Variants in IL1RAPL1 observed in about 807,000 individuals in gnomAD.
IL1RAPL1 encodes the protein interleukin 1 receptor accessory protein like 1.
IL1RAPL1 carries 3 observed loss-of-function variants against 48.4 expected under a neutral mutation model. The observed-to-expected ratio is 0.06, with a 90% CI of 0.03 to 0.16. The LOEUF is 0.16. Ranked by LOEUF, IL1RAPL1 falls within the 10% of genes least tolerant of loss-of-function variation. The pLI, the probability that IL1RAPL1 is intolerant of heterozygous loss-of-function variation, is 1.00. For synonymous variants in IL1RAPL1, 185 were observed against 187.7 expected (o/e 0.99, Z 0.12); for missense variants, 349 against 530.6 (o/e 0.66, Z 3.36).
chrX:29,362,092 TATC>T (rs1206834766), intron 3 of IL1RAPL1, among the ~76,000 whole-genome samples: 1 of 112,370 alleles, frequency 8.9e-6, no homozygotes, highest in South Asian at 3.6e-4. Context: ...CTAAAAAAAT[TATC>T]ATCAAATGCC....
intron 6 of IL1RAPL1, among the ~76,000 whole-genome samples, chrX:29,881,693 A>T (rs1433160294): frequency 9.0e-6 from 1 of 111,619 alleles, no homozygotes; most frequent in Middle Eastern, 4.2e-3. Flanking sequence ...AGTTACAAAC[A>T]AACAACTCGA....
At chrX:29,725,060 T>C (rs1405666800) in intron 6 of IL1RAPL1, among the ~76,000 whole-genome samples, 1 of 110,956 alleles carries the variant, frequency 9.0e-6, no homozygotes, top group Non-Finnish European at 1.9e-5. Flanking sequence ...AATTACATAA[T>C]TATATATATG....
intron 6 of IL1RAPL1, among the ~76,000 whole-genome samples, chrX:29,809,145 T>C (rs1930322229): frequency 9.3e-6 from 1 of 107,203 alleles, no homozygotes; most frequent in African/African-American, 3.4e-5. Context: ...TCACCCAGGC[T>C]GGAGTGCAAT....
At chrX:29,845,026 A>G (rs1162426597) in intron 6 of IL1RAPL1, among the ~76,000 whole-genome samples, 1 of 112,077 alleles carries the variant, frequency 8.9e-6, no homozygotes, top group Non-Finnish European at 1.9e-5. Flanking sequence ...GAGACATGGA[A>G]AGGGTTCTTT....
chrX:29,869,753 TAAAC>T (rs1931765509), intron 6 of IL1RAPL1, among the ~76,000 whole-genome samples: 1 of 110,451 alleles, frequency 9.1e-6, no homozygotes, highest in Non-Finnish European at 1.9e-5. Context: ...CTTGAAAAAA[TAAAC>T]AAGTGGCCCT....
At chrX:29,278,413 A>T (rs1419497462) in intron 2 of IL1RAPL1, among the ~76,000 whole-genome samples, 2 of 110,877 alleles carry the variant, frequency 1.8e-5, no homozygotes, top group East Asian at 5.7e-4. Context: ...TCTTACTCCC[A>T]CTCCCCAATG....
At chrX:28,910,115 G>A (rs1923320318) in intron 2 of IL1RAPL1, among the ~76,000 whole-genome samples, 1 of 111,504 alleles carries the variant, frequency 9.0e-6, no homozygotes, top group Non-Finnish European at 1.9e-5. Context: ...GTCTGAGAAT[G>A]TGAGGCTCAG....
intron 6 of IL1RAPL1, among the ~76,000 whole-genome samples, chrX:29,707,343 T>C (rs1326733983): frequency 1.8e-5 from 2 of 112,235 alleles, no homozygotes; most frequent in African/African-American, 3.2e-5. Context: ...TTGGTGGGAA[T>C]GTAAACTAGT....
At chrX:28,860,583 G>A (rs1459297314) in intron 2 of IL1RAPL1, among the ~76,000 whole-genome samples, 1 of 107,767 alleles carries the variant, frequency 9.3e-6, no homozygotes, top group African/African-American at 3.4e-5. Context: ...TCAGACTCCC[G>A]AGTAGCTGGG....
intron 6 of IL1RAPL1, among the ~76,000 whole-genome samples, chrX:29,789,677 A>G (rs1929584614): frequency 2.7e-5 from 3 of 110,666 alleles, no homozygotes; most frequent in Admixed American, 1.9e-4. Flanking sequence ...TAGAGTTTGC[A>G]TCTGATATCA....
At chrX:29,400,955 C>G (rs1403785494) in intron 5 of IL1RAPL1, among the ~76,000 whole-genome samples, 2 of 111,466 alleles carry the variant, frequency 1.8e-5, no homozygotes, top group Non-Finnish European at 3.8e-5. Flanking sequence ...TTTCCCCTTT[C>G]TAGAAATGCT....
In IL1RAPL1 at chrX:29,242,459, G is replaced by C. The variant is rs775286311; in HGVS notation, c.83-40479G>C. ...CAAGAAAAATCAAACTACCAGGTTGGACCTCAATTATGATTACAGTCATAT... is the reference window on the plus strand; with the variant it reads ...CAAGAAAAATCAAACTACCAGGTTGCACCTCAATTATGATTACAGTCATAT... On this transcript the variant is annotated intron_variant, in intron 2 of 10. Coordinates refer to ENST00000378993, the MANE Select transcript of IL1RAPL1 (RefSeq NM_014271.4). 1.4e-3 allele frequency among the ~76,000 whole-genome samples: 153 copies of C among 111,929 alleles called. No individual in the cohort carries two copies. The Middle Eastern group carries it at 0.014, about 10-fold the overall frequency.
intron 2 of IL1RAPL1, among the ~76,000 whole-genome samples, chrX:28,946,041 C>T (rs1410554099): frequency 9.2e-6 from 1 of 109,223 alleles, no homozygotes; most frequent in African/African-American, 3.3e-5. Context: ...ATGAATAACA[C>T]ATACAGTGTG....
intron 1 of IL1RAPL1, among the ~76,000 whole-genome samples, chrX:28,728,836 CT>C (rs1228727456): frequency 1.8e-5 from 2 of 111,368 alleles, no homozygotes; most frequent in South Asian, 3.7e-4. Context: ...CATTTAAACC[CT>C]CTGGAGTCAT....
At chrX:28,792,852 A>T (rs5943552) in intron 2 of IL1RAPL1, among the ~76,000 whole-genome samples, 1,380 of 18,953 alleles carry the variant, frequency 0.073, 65 homozygotes, top group Middle Eastern at 0.14. Context: ...TATATATATA[A>T]AAAATAAGGC....
intron 5 of IL1RAPL1, among the ~76,000 whole-genome samples, chrX:29,571,002 A>G (rs2147798210): frequency 8.9e-6 from 1 of 112,073 alleles, no homozygotes; most frequent in East Asian, 2.8e-4. Flanking sequence ...CGGGTGGATC[A>G]CGAGGTCAGC....
At chrX:29,799,677 C>T (rs962683790) in intron 6 of IL1RAPL1, among the ~76,000 whole-genome samples, 4 of 112,159 alleles carry the variant, frequency 3.6e-5, no homozygotes, top group Non-Finnish European at 7.5e-5. Flanking sequence ...TCAATAGGTG[C>T]ACGTGGCTAG....
chrX:29,099,066 C>T (rs898582192), intron 2 of IL1RAPL1, among the ~76,000 whole-genome samples: 4 of 111,394 alleles, frequency 3.6e-5, no homozygotes, highest in South Asian at 3.8e-4. Context: ...ACAGGAGAAT[C>T]GTTTGAACCC....
chrX:28,792,816 A>AAAAAAAAAT (rs1936562170), intron 2 of IL1RAPL1, among the ~76,000 whole-genome samples: 2 of 10,107 alleles, frequency 2.0e-4, no homozygotes, highest in Non-Finnish European at 3.5e-4. Flanking sequence ...AAAAAAAAAA[A>AAAAAAAAAT]ATATATATAT....
Sources: allele counts gnomAD v4.1 joint callset (sites outside exome capture counted in the v4.1 genomes callset), GRCh38; gene constraint gnomAD v4.1.1; transcripts MANE v1.5; gene names NCBI Gene and HGNC (gene_info 2026-07-23, HGNC 2026-07-21).